The following KCNIP4 variants were observed in gnomAD, a reference collection of about 807,000 sequenced individuals.
KCNIP4 encodes potassium voltage-gated channel interacting protein 4.
In KCNIP4, 12 loss-of-function variants were observed where a neutral mutation model predicts 34.0. That is an observed-to-expected ratio of 0.35 (90% CI 0.23 to 0.57). KCNIP4 has a LOEUF of 0.57. Ranked by LOEUF, KCNIP4 falls within the 20% of genes least tolerant of loss-of-function variation. The pLI, the probability that KCNIP4 is intolerant of heterozygous loss-of-function variation, is 0.83. For missense variants in KCNIP4, 238 were observed against 311.7 expected, an observed-to-expected ratio of 0.76 and a Z score of 1.78; for synonymous variants, 124 against 102.2, an observed-to-expected ratio of 1.21 and a Z score of -1.29.
intron 1 of KCNIP4, among the ~76,000 whole-genome samples, chr4:21,434,151 G>A (rs145560824): frequency 1.3e-5 from 2 of 152,116 alleles, no homozygotes; most frequent in African/African-American, 4.8e-5. Context: ...ATGTCACATT[G>A]TTTAAACCTC....
chr4:21,014,765 T>C (rs1173449032), intron 1 of KCNIP4, among the ~76,000 whole-genome samples: 2 of 152,188 alleles, frequency 1.3e-5, no homozygotes, highest in African/African-American at 4.8e-5. Flanking sequence ...TACCTTTACG[T>C]GTGTGCCCAA....
chr4:21,119,429 A>T (rs1749954490), intron 1 of KCNIP4, among the ~76,000 whole-genome samples: 1 of 141,376 alleles, frequency 7.1e-6, no homozygotes, highest in Non-Finnish European at 1.5e-5. Flanking sequence ...GAGTACACTG[A>T]TGTCTGTGGG....
intron 1 of KCNIP4, among the ~76,000 whole-genome samples, chr4:21,175,669 C>T (rs1472800735): frequency 2.6e-5 from 4 of 152,136 alleles, no homozygotes; most frequent in Admixed American, 6.6e-5. Flanking sequence ...CTTCACAGTT[C>T]ATCTGATAAC....
At chr4:21,193,887 A>T (rs1357580162) in intron 1 of KCNIP4, among the ~76,000 whole-genome samples, 1 of 152,160 alleles carries the variant, frequency 6.6e-6, no homozygotes, top group Non-Finnish European at 1.5e-5. Context: ...TTATTTTTAA[A>T]CTACAAGAAG....
chr4:21,770,663 A>T (rs1045875583), intron 1 of KCNIP4, among the ~76,000 whole-genome samples: 11 of 152,152 alleles, frequency 7.2e-5, no homozygotes, highest in Non-Finnish European at 1.2e-4. Context: ...ATGAGATGGT[A>T]TCGCATTGTG....
At chr4:20,857,209 C>G (rs373792228) in intron 2 of KCNIP4, among the ~76,000 whole-genome samples, 12 of 152,026 alleles carry the variant, frequency 7.9e-5, no homozygotes, top group East Asian at 5.8e-4. Context: ...CAGCAATCAC[C>G]AGCATATGAT....
At chr4:21,663,308 A>C (rs974505794) in intron 1 of KCNIP4, among the ~76,000 whole-genome samples, 4 of 152,134 alleles carry the variant, frequency 2.6e-5, no homozygotes, top group African/African-American at 9.7e-5. Context: ...TTTTTAAATA[A>C]AAATTTTTCC....
intron 1 of KCNIP4, among the ~76,000 whole-genome samples, chr4:21,550,493 A>G (rs1295605928): frequency 6.6e-6 from 1 of 152,058 alleles, no homozygotes; most frequent in Non-Finnish European, 1.5e-5. Flanking sequence ...ATCTGTCGCT[A>G]GTCTCTCTTC....
intron 1 of KCNIP4, among the ~76,000 whole-genome samples, chr4:21,134,567 T>A (rs540370818): frequency 9.9e-5 from 15 of 152,284 alleles, no homozygotes; most frequent in East Asian, 3.9e-4. Context: ...CCAATAACTC[T>A]TCTAAGTTTG....
chr4:21,208,062 C>T (rs896638284), intron 1 of KCNIP4, among the ~76,000 whole-genome samples: 4 of 152,094 alleles, frequency 2.6e-5, no homozygotes, highest in African/African-American at 7.2e-5. Flanking sequence ...AGGCTGGTCT[C>T]GGACTCATGA....
intron 1 of KCNIP4, among the ~76,000 whole-genome samples, chr4:21,725,105 C>G (rs950779787): frequency 6.6e-6 from 1 of 152,114 alleles, no homozygotes; most frequent in Non-Finnish European, 1.5e-5. Context: ...TGTTTGACAC[C>G]TCTGCCTTCA....
intron 1 of KCNIP4, among the ~76,000 whole-genome samples, chr4:21,042,998 A>C (rs1742097042): frequency 1.3e-5 from 2 of 152,244 alleles, no homozygotes; most frequent in South Asian, 4.1e-4. Context: ...CTGTCTAGTC[A>C]AATTGATCAG....
chr4:20,864,118 C>G (rs1188590393), intron 2 of KCNIP4, among the ~76,000 whole-genome samples: 5,878 of 132,488 alleles, frequency 0.044, 325 homozygotes, highest in Non-Finnish European at 0.07. Flanking sequence ...GTATACATAT[C>G]CATGTATACA....
chr4:21,747,929 G>A (rs1028314104), intron 1 of KCNIP4, among the ~76,000 whole-genome samples: 19 of 152,118 alleles, frequency 1.2e-4, no homozygotes. Context: ...GAAGCCATGT[G>A]GAGTCAGAGG....
chr4:21,207,887 G>A (rs537530156), intron 1 of KCNIP4, among the ~76,000 whole-genome samples: 369 of 135,648 alleles, frequency 2.7e-3, no homozygotes, highest in African/African-American at 0.01. Flanking sequence ...CTATTGCCCA[G>A]GCTGGAGTGC....
intron 1 of KCNIP4, among the ~76,000 whole-genome samples, chr4:21,068,504 A>G (rs1343351333): frequency 6.6e-6 from 1 of 151,786 alleles, no homozygotes; most frequent in African/African-American, 2.4e-5. Context: ...TCCAGCCAAA[A>G]TTTTCTTCTA....
intron 3 of KCNIP4, among the ~76,000 whole-genome samples, chr4:20,810,758 G>A (rs1012065609): frequency 4.6e-5 from 7 of 152,120 alleles, no homozygotes; most frequent in Non-Finnish European, 8.8e-5. Flanking sequence ...CACAGAAATA[G>A]CAAATTTTTA....
At chr4:20,926,899 C>T (rs1000648456) in intron 1 of KCNIP4, among the ~76,000 whole-genome samples, 1 of 152,144 alleles carries the variant, frequency 6.6e-6, no homozygotes, top group Non-Finnish European at 1.5e-5. Context: ...TAAATTTTTA[C>T]ACCTCTCTAA....
chr4:21,745,755 G>T (rs955809741), intron 1 of KCNIP4, among the ~76,000 whole-genome samples: 1 of 152,012 alleles, frequency 6.6e-6, no homozygotes, highest in African/African-American at 2.4e-5. Flanking sequence ...CATGCTTTAT[G>T]CTAAAAAAAT....
Sources: gnomAD v4.1 joint callset for allele counts (sites outside exome capture counted in the v4.1 genomes callset) on GRCh38, gnomAD v4.1.1 for gene constraint, MANE v1.5 for transcripts, NCBI Gene and HGNC (gene_info 2026-07-23, HGNC 2026-07-21) for gene names.